The following RHEX variants were observed in gnomAD, a reference collection of about 807,000 sequenced individuals.
RHEX encodes regulator of hemoglobinization and erythroid cell expansion protein.
RHEX carries 18 observed loss-of-function variants against 20.1 expected under a neutral mutation model. That is an observed-to-expected ratio of 0.90 (90% confidence interval 0.62 to 1.33). The LOEUF (loss-of-function observed/expected upper bound fraction) is 1.33, where lower values mean the gene tolerates loss of function less well. Among genes scored for constraint, RHEX ranks in the 40% most tolerant of loss-of-function variants. The pLI is 0.00. For missense variants in RHEX, 192 were observed against 214.3 expected, an observed-to-expected ratio of 0.90 and a Z score of 0.65; for synonymous variants, 87 against 77.1, an observed-to-expected ratio of 1.13 and a Z score of -0.67.
chr1:206,057,768 C>T lies in RHEX; in HGVS notation c.-97+4503C>T, dbSNP rs573777752. Reference sequence around the variant, plus strand: ...GCATAGCCATAGGTGATTGGAAAGACGATGAATGGCCCCCTGAAAAAATCT... The same window carrying T: ...GCATAGCCATAGGTGATTGGAAAGATGATGAATGGCCCCCTGAAAAAATCT... On this transcript the variant is annotated intron_variant, in intron 1 of 5. Transcript: ENST00000331555. Among the ~76,000 whole-genome samples the T allele has an allele frequency of 2.4e-3, 359 of 152,260 alleles. 1 individual carries two copies. The highest frequency in any genetic ancestry group is 7.1e-3 in the South Asian group (34 of 4,812).
intron 1 of RHEX, among the ~76,000 whole-genome samples, chr1:206,073,532 A>C (rs1662573463): frequency 6.6e-6 from 1 of 152,120 alleles, no homozygotes; most frequent in Admixed American, 6.5e-5. Context: ...TAACTTCTCC[A>C]AGATCACACA....
At chr1:206,085,802 T>C (rs1662826754) in intron 1 of RHEX, among the ~76,000 whole-genome samples, 1 of 152,198 alleles carries the variant, frequency 6.6e-6, no homozygotes, top group Non-Finnish European at 1.5e-5. Context: ...CCTCTCATTT[T>C]ATAGACAGGG....
At chr1:206,088,307 A>C (rs28716644) in intron 1 of RHEX, among the ~76,000 whole-genome samples, 3,681 of 152,298 alleles carry the variant, frequency 0.024, 136 homozygotes, top group African/African-American at 0.083. Flanking sequence ...AATAAAGTGC[A>C]TTTAAATAAC....
chr1:206,097,870 G>C (rs782061417), intron 2 of RHEX, 31 bp downstream of exon 2: 2 of 1,495,450 alleles, frequency 1.3e-6, no homozygotes, highest in South Asian at 2.3e-5. Context: ...CAGGAGCAAG[G>C]TTCCCACCAA....
chr1:206,097,842 G>A lies in RHEX; in HGVS notation c.11+3G>A. 6.2e-7 allele frequency: 1 copy of A among 1,602,672 alleles called. No individual in the cohort carries two copies. The highest frequency in any genetic ancestry group is 8.6e-7 in the Non-Finnish European group (1 of 1,169,476). ...AAGGAGCTCATCATGCTGACAGAGTGAGTGGGCCCAACAAGAGCAGGAGCA... is the reference window on the plus strand; with the variant it reads ...AAGGAGCTCATCATGCTGACAGAGTAAGTGGGCCCAACAAGAGCAGGAGCA... On this transcript the variant is annotated splice_donor_region_variant and intron_variant, in intron 2 of 5. Coordinates refer to ENST00000331555, the MANE Select transcript of RHEX (RefSeq NM_001007544.4).
Position 206,099,806 on chromosome 1 carries a change from AG to A in RHEX, c.256+12del. On this transcript the variant is annotated intron_variant, in intron 4 of 5. Transcript: ENST00000331555. ...CTGATTCCCTTTACAGGCGTGAGTA[AG>A]GGGTTGGAGGGAGAACTTGTCTAGG... The A allele has an allele frequency of 6.2e-7, 1 of 1,613,452 alleles. No homozygotes were observed. Among genetic ancestry groups the A allele is most frequent in the Non-Finnish European group, 8.5e-7 (1 of 1,179,574 alleles).
At chr1:206,078,819 T>A (rs1299236503) in intron 1 of RHEX, among the ~76,000 whole-genome samples, 2 of 152,098 alleles carry the variant, frequency 1.3e-5, no homozygotes, top group African/African-American at 4.8e-5. Flanking sequence ...TAGAGTGCTA[T>A]CCTAAAGACA....
chr1:206,073,308 A>G (rs1662569508), intron 1 of RHEX, among the ~76,000 whole-genome samples: 1 of 152,190 alleles, frequency 6.6e-6, no homozygotes, highest in Non-Finnish European at 1.5e-5. Context: ...CCAGCAGCAG[A>G]CAGGTGCATA....
intron 1 of RHEX, among the ~76,000 whole-genome samples, chr1:206,065,457 T>C (rs1678711904): frequency 6.6e-6 from 1 of 152,158 alleles, no homozygotes; most frequent in South Asian, 2.1e-4. Context: ...AAACCCATGT[T>C]GAGGTCAGTC....
intron 1 of RHEX, among the ~76,000 whole-genome samples, chr1:206,094,491 G>A (rs1663028033): frequency 6.6e-6 from 1 of 152,136 alleles, no homozygotes; most frequent in Non-Finnish European, 1.5e-5. Flanking sequence ...GTATATGCCT[G>A]GAATTGTATA....
intron 1 of RHEX, among the ~76,000 whole-genome samples, chr1:206,084,711 G>T (rs1234578634): frequency 6.6e-6 from 1 of 152,172 alleles, no homozygotes; most frequent in Admixed American, 6.5e-5. Context: ...AGTAGGATCT[G>T]TTACATAATT....
chr1:206,060,033 G>C (rs2102304891), intron 1 of RHEX, among the ~76,000 whole-genome samples: 1 of 152,246 alleles, frequency 6.6e-6, no homozygotes, highest in South Asian at 2.1e-4. Context: ...TGGTAAGAAT[G>C]GTAGAGCTCT....
chr1:206,069,710 A>G (rs1472211780), intron 1 of RHEX, among the ~76,000 whole-genome samples: 15 of 152,170 alleles, frequency 9.9e-5, no homozygotes, highest in African/African-American at 3.6e-4. Flanking sequence ...AACATCTATA[A>G]ACATCTACTG....
In RHEX at chr1:206,084,644, G is replaced by A. The variant is rs911575552; in HGVS notation, c.-96-13089G>A. On this transcript the variant is annotated intron_variant, in intron 1 of 5. Coordinates refer to ENST00000331555, the MANE Select transcript of RHEX (RefSeq NM_001007544.4). ...TGTTGATTGGCTGATCCTGCTTCTC[G>A]TTCTGTGTGTTGACCTATTTTGTGA... Among the ~76,000 whole-genome samples the A allele has an allele frequency of 3.3e-5, 5 of 152,274 alleles. No individual in the cohort carries two copies. The Middle Eastern group carries it at 0.01, about 311-fold the overall frequency.
chr1:206,094,188 G>A (rs1457784691), intron 1 of RHEX, among the ~76,000 whole-genome samples: 2 of 151,946 alleles, frequency 1.3e-5, no homozygotes, highest in Non-Finnish European at 2.9e-5. Context: ...GTGTGTGTGT[G>A]TGTGTGTGTG....
chr1:206,070,627 G>A (rs929439556), intron 1 of RHEX, among the ~76,000 whole-genome samples: 8 of 152,318 alleles, frequency 5.3e-5, no homozygotes, highest in African/African-American at 1.7e-4. Context: ...CCAGCTTCTC[G>A]TGTCCAGTGA....
At chr1:206,063,227 G>C (rs1662340511) in intron 1 of RHEX, among the ~76,000 whole-genome samples, 1 of 152,186 alleles carries the variant, frequency 6.6e-6, no homozygotes, top group Admixed American at 6.5e-5. Flanking sequence ...AAAGCGAGGA[G>C]ATGAATGTGT....
chr1:206,057,826 GATGTCTC>G (rs1558167146), intron 1 of RHEX, among the ~76,000 whole-genome samples: 1 of 152,258 alleles, frequency 6.6e-6, no homozygotes, highest in African/African-American at 2.4e-5. Flanking sequence ...TTGGTCACAA[GATGTCTC>G]ATGGGGATAT....
intron 1 of RHEX, among the ~76,000 whole-genome samples, chr1:206,063,897 G>C (rs1346211173): frequency 1.3e-5 from 2 of 150,922 alleles, no homozygotes; most frequent in Non-Finnish European, 3.0e-5. Flanking sequence ...TGCCCAGTCT[G>C]GAAAGTGAGG....
Sources: gnomAD v4.1 joint callset for allele counts (sites outside exome capture counted in the v4.1 genomes callset) on GRCh38, gnomAD v4.1.1 for gene constraint, MANE v1.5 for transcripts, NCBI Gene and HGNC (gene_info 2026-07-23, HGNC 2026-07-21) for gene names.